The following PILRA variants were observed in gnomAD, a reference collection of about 807,000 sequenced individuals.
The protein encoded by PILRA is paired immunoglobin like type 2 receptor alpha.
Under a neutral mutation model 33.1 loss-of-function variants are expected in PILRA, and 37 were observed. The ratio of observed to expected loss-of-function variants is 1.12; its 90% CI spans 0.86 to 1.47. The LOEUF is 1.47. Among genes scored for constraint, PILRA ranks in the 40% most tolerant of loss-of-function variants. PILRA has a pLI of 0.00. For missense variants in PILRA, 312 were observed against 376.2 expected (o/e 0.83, Z 1.41); for synonymous variants, 146 against 149.9 (o/e 0.97, Z 0.19).
intron 4 of PILRA, 133 bp from the exon 5 acceptor site, chr7:100,399,158 T>G (rs1791575957): frequency 1.6e-6 from 1 of 618,266 alleles, no homozygotes; most frequent in African/African-American, 1.8e-5. Context: ...AGGCTGGTCT[T>G]GTACTCCTGG....
chr7:100,397,025 AAG>A (rs1236008882), intron 3 of PILRA, among the ~76,000 whole-genome samples: 1 of 151,702 alleles, frequency 6.6e-6, no homozygotes, highest in Non-Finnish European at 1.5e-5. Flanking sequence ...ACATAACCTA[AAG>A]AGAGGGAAAA....
intron 3 of PILRA, among the ~76,000 whole-genome samples, chr7:100,394,654 C>T (rs558880980): frequency 7.3e-5 from 10 of 137,632 alleles, no homozygotes; most frequent in South Asian, 6.9e-4. Flanking sequence ...AATATACCAA[C>T]GGAATAGAAT....
rs890167662 is a variant in PILRA, at chr7:100,385,936, T to G, written c.455-3952T>G. On this transcript the variant is annotated intron_variant, in intron 2 of 6. Coordinates refer to ENST00000198536, the MANE Select transcript of PILRA (RefSeq NM_013439.3). ...GAGCCACCACACCCGGCCTATGTCT[T>G]TTTTTTTTTTTGAGACGGAGTTTCA... is the stretch of plus-strand genomic sequence containing the variant. 5.5e-4 allele frequency among the ~76,000 whole-genome samples: 81 copies of G among 146,426 alleles called. 1 individual carries two copies. The highest frequency in any genetic ancestry group is 1.4e-4 in the Non-Finnish European group (9 of 66,014).
chr7:100,393,195 G>A (rs1023758642), intron 3 of PILRA, among the ~76,000 whole-genome samples: 1 of 151,798 alleles, frequency 6.6e-6, no homozygotes, highest in Admixed American at 6.6e-5. Flanking sequence ...CATGAGAATC[G>A]CTTGAACCTA....
intron 2 of PILRA, among the ~76,000 whole-genome samples, chr7:100,375,355 A>G (rs1178070945): frequency 6.6e-6 from 1 of 152,226 alleles, no homozygotes; most frequent in Non-Finnish European, 1.5e-5. Flanking sequence ...TATTCTCTTC[A>G]GTTTACAGAC....
chr7:100,383,718 C>T (rs1453253062), intron 2 of PILRA, among the ~76,000 whole-genome samples: 1 of 151,906 alleles, frequency 6.6e-6, no homozygotes, highest in Admixed American at 6.6e-5. Context: ...GTCACTGAAC[C>T]TCTTGCCTCC....
chr7:100,389,154 T>C (rs1791320848), intron 2 of PILRA, among the ~76,000 whole-genome samples: 1 of 152,224 alleles, frequency 6.6e-6, no homozygotes, highest in African/African-American at 2.4e-5. Flanking sequence ...GGCTGTGAAA[T>C]GGGTGAAATC....
At chr7:100,397,952 T>A (rs370860263) in intron 4 of PILRA, 40 bp downstream of exon 4, 8 of 1,605,996 alleles carry the variant, frequency 5.0e-6, no homozygotes, top group Non-Finnish European at 6.8e-6. Context: ...GGGGGGTGCA[T>A]GTGCAGGCAG....
At chr7:100,399,186 C>G in intron 4 of PILRA, 105 bp from the exon 5 acceptor site, 1 of 720,676 alleles carries the variant, frequency 1.4e-6, no homozygotes, top group Non-Finnish European at 2.4e-6. Context: ...CAATGGCCAC[C>G]TGCCTCAGTC....
At chr7:100,377,231 CTTTTTT>C (rs761225046) in intron 2 of PILRA, among the ~76,000 whole-genome samples, 2 of 100,928 alleles carry the variant, frequency 2.0e-5, no homozygotes, top group Non-Finnish European at 2.0e-5. Flanking sequence ...TTTTCTATTT[CTTTTTT>C]TTTTTTTTTT....
intron 2 of PILRA, among the ~76,000 whole-genome samples, chr7:100,389,450 GATTTAGTTATCCCT>G (rs1193955781): frequency 6.6e-6 from 1 of 152,056 alleles, no homozygotes; most frequent in African/African-American, 2.4e-5. Flanking sequence ...TTGATCCTGT[GATTTAGTTATCCCT>G]ATTTGTGAGT....
chr7:100,397,381 G>A (rs1225791276), intron 3 of PILRA, among the ~76,000 whole-genome samples: 18 of 151,372 alleles, frequency 1.2e-4, no homozygotes. Context: ...CAGAGGGGAG[G>A]GGAAGCCTAG....
At chr7:100,397,759 A>G in intron 3 of PILRA, 120 bp from the exon 4 acceptor site, 2 of 1,024,640 alleles carry the variant, frequency 2.0e-6, no homozygotes, top group Non-Finnish European at 3.0e-6. Flanking sequence ...GTTTGGGTGG[A>G]GCAGCTCTGC....
intron 2 of PILRA, among the ~76,000 whole-genome samples, chr7:100,381,137 G>A (rs1202559553): frequency 6.6e-6 from 1 of 151,958 alleles, no homozygotes; most frequent in East Asian, 1.9e-4. Context: ...GTGGTGGCGG[G>A]CACCTGTAGT....
chr7:100,374,940 C>T (rs1339972187), intron 2 of PILRA, among the ~76,000 whole-genome samples: 1 of 152,164 alleles, frequency 6.6e-6, no homozygotes, highest in Non-Finnish European at 1.5e-5. Context: ...GGGAGCCCTG[C>T]AGTCCCTGGG....
intron 3 of PILRA, among the ~76,000 whole-genome samples, chr7:100,395,537 T>A (rs1389378524): frequency 6.6e-6 from 1 of 152,176 alleles, no homozygotes; most frequent in African/African-American, 2.4e-5. Flanking sequence ...TTTGTTTTTT[T>A]ATAAATTATA....
Position 100,389,949 on chromosome 7 carries a change from AACC to A in PILRA, c.522_524del (p.Thr176del). On this transcript the variant is annotated inframe_deletion, in exon 3 of 7. Transcript: ENST00000198536. ...CTACCACCTGGAGGCTCAGTAGCAC[AACC>A]ACCACAACCGGCCTCAGGGTCACAC... is the stretch of plus-strand genomic sequence containing the variant. 3 of 1,613,890 alleles carry A rather than the reference AACC, an allele frequency of 1.9e-6. No homozygotes were observed. Among genetic ancestry groups the A allele is most frequent in the Non-Finnish European group, 2.5e-6 (3 of 1,179,962 alleles).
At chr7:100,385,013 A>T (rs1791224601) in intron 2 of PILRA, among the ~76,000 whole-genome samples, 1 of 152,212 alleles carries the variant, frequency 6.6e-6, no homozygotes, top group Admixed American at 6.5e-5. Flanking sequence ...GAGAGTGAGG[A>T]GTATCAAATG....
At chr7:100,393,194 C>T (rs1168120602) in intron 3 of PILRA, among the ~76,000 whole-genome samples, 3 of 151,848 alleles carry the variant, frequency 2.0e-5, no homozygotes, top group Non-Finnish European at 4.4e-5. Context: ...GCATGAGAAT[C>T]GCTTGAACCT....
Sources: gnomAD v4.1 joint callset for allele counts (sites outside exome capture counted in the v4.1 genomes callset) on GRCh38, gnomAD v4.1.1 for gene constraint, MANE v1.5 for transcripts, NCBI Gene and HGNC (gene_info 2026-07-23, HGNC 2026-07-21) for gene names.